CNNM2: variants seen among roughly 807,000 people sequenced by gnomAD.
The protein encoded by CNNM2 is cyclin and CBS domain divalent metal cation transport mediator 2.
CNNM2 carries 12 observed loss-of-function variants against 66.9 expected under a neutral mutation model. The observed-to-expected ratio is 0.18, with a 90% CI of 0.11 to 0.29. The LOEUF (loss-of-function observed/expected upper bound fraction) is 0.29. CNNM2 is among the 10% of genes least tolerant of loss of function. CNNM2 has a pLI of 1.00. For missense variants in CNNM2, 705 were observed against 1,167.7 expected, an observed-to-expected ratio of 0.60 and a Z score of 5.77; for synonymous variants, 557 against 501.8, an observed-to-expected ratio of 1.11 and a Z score of -1.47.
intron 6 of CNNM2, among the ~76,000 whole-genome samples, chr10:103,072,331 A>G (rs1464036782): frequency 6.6e-6 from 1 of 152,200 alleles, no homozygotes; most frequent in African/African-American, 2.4e-5. Context: ...ACACAGGCGC[A>G]CGACATTCTT....
intron 1 of CNNM2, among the ~76,000 whole-genome samples, chr10:102,947,784 G>T (rs1429736933): frequency 1.3e-5 from 2 of 152,008 alleles, no homozygotes; most frequent in African/African-American, 2.4e-5. Flanking sequence ...AGGCGCGGTG[G>T]CTCATGCCTG....
intron 1 of CNNM2, among the ~76,000 whole-genome samples, chr10:102,987,364 A>G (rs2063815728): frequency 6.6e-6 from 1 of 152,136 alleles, no homozygotes; most frequent in Admixed American, 6.6e-5. Flanking sequence ...TCTGTCACCC[A>G]GACTGGAGTG....
rs915374062 is a variant in CNNM2 at position 103,031,840 on chromosome 10, G to C, written c.1622-17867G>C. Among the ~76,000 whole-genome samples, 7 of 17,050 alleles carry C rather than the reference G, an allele frequency of 4.1e-4. No homozygotes were observed. The East Asian group carries it at 0.012, about 30-fold the overall frequency. The allele number at this position is 17,050 out of a possible 152,430, so 11.2% of individuals were successfully genotyped here. ...ACTGTCTGCTTAAGTACAAAATGCG[G>C]GGGGGGCGTGAGGGGATTTATCCCG... On this transcript the variant is annotated intron_variant, in intron 1 of 7. Coordinates refer to ENST00000369878, the MANE Select transcript of CNNM2 (RefSeq NM_017649.5).
chr10:103,025,067 A>T (rs2064673252), intron 1 of CNNM2, among the ~76,000 whole-genome samples: 1 of 152,098 alleles, frequency 6.6e-6, no homozygotes, highest in Admixed American at 6.5e-5. Context: ...TAGTGACTGC[A>T]GTTGGCTCCG....
In CNNM2 at chr10:103,015,478, C is replaced by T. The variant is rs149565019; in HGVS notation, c.1622-34229C>T. 5.0e-5 allele frequency among the ~76,000 whole-genome samples: 7 copies of T among 141,014 alleles called. No homozygotes were observed. The East Asian group carries it at 1.1e-3, about 22-fold the overall frequency. The allele number at this position is 141,014 out of a possible 152,430, so 92.5% of individuals were successfully genotyped here. A position where few individuals can be genotyped will look rare whatever the true frequency, so the allele number is the denominator to read the frequency against. On this transcript the variant is annotated intron_variant, in intron 1 of 7. Coordinates refer to ENST00000369878, the MANE Select transcript of CNNM2 (RefSeq NM_017649.5). ...AATTTGGATTGATTTATAACACTTACAAATTATTGGAAACTCATGTATGTC... is the reference window on the plus strand; with the variant it reads ...AATTTGGATTGATTTATAACACTTATAAATTATTGGAAACTCATGTATGTC...
rs553353645 is a variant in CNNM2, at chr10:102,981,002, C to T, written c.1621+60901C>T. Among the ~76,000 whole-genome samples, 16 of 152,260 alleles carry T rather than the reference C, an allele frequency of 1.1e-4. No individual in the cohort carries two copies. In the South Asian group the frequency reaches 3.3e-3, roughly 32 times the overall value. On this transcript the variant is annotated intron_variant, in intron 1 of 7. Transcript: ENST00000369878. The stretch of plus-strand genomic sequence containing the variant: ...GAAGCACATCTCCTAGAACTGCCAA[C>T]CTGTGCTGGCTCTGTACTGCTGTTG...
chr10:103,071,644 G>A (rs1457607397), intron 5 of CNNM2, 130 bp from the exon 6 acceptor site: 6 of 796,902 alleles, frequency 7.5e-6, no homozygotes, highest in Non-Finnish European at 1.4e-5. Context: ...ATACCATACC[G>A]ACTTGCATTT....
intron 1 of CNNM2, among the ~76,000 whole-genome samples, chr10:103,018,727 G>C (rs2064506046): frequency 1.7e-5 from 2 of 116,686 alleles, no homozygotes; most frequent in African/African-American, 6.9e-5. Flanking sequence ...TCTCCCTCTT[G>C]CACTCACTGC....
intron 1 of CNNM2, among the ~76,000 whole-genome samples, chr10:103,036,985 G>A (rs1239325190): frequency 6.6e-6 from 1 of 152,110 alleles, no homozygotes; most frequent in Non-Finnish European, 1.5e-5. Flanking sequence ...ACTCTGTGCT[G>A]TAGTTTTGCA....
At chr10:102,952,846 C>T (rs1412648288) in intron 1 of CNNM2, among the ~76,000 whole-genome samples, 1 of 152,082 alleles carries the variant, frequency 6.6e-6, no homozygotes, top group Non-Finnish European at 1.5e-5. Context: ...TGCTTCAGTA[C>T]TTGAATAGAA....
Position 103,064,322 on chromosome 10 carries a change from A to T in CNNM2, c.2074-4307A>T, listed in dbSNP as rs182652024. Among the ~76,000 whole-genome samples, 18 of 152,352 alleles carry T rather than the reference A, an allele frequency of 1.2e-4. No homozygotes were observed. In the East Asian group the frequency reaches 3.5e-3, roughly 29 times the overall value. On this transcript the variant is annotated intron_variant, in intron 4 of 7. Coordinates refer to ENST00000369878, the MANE Select transcript of CNNM2 (RefSeq NM_017649.5). ...TGAAGACCTATTACTCTGAAATGAC[A>T]TATTTTCTAAATTTGAGGGGTTAAA...
At chr10:102,996,010 G>T (rs1012005138) in intron 1 of CNNM2, among the ~76,000 whole-genome samples, 1 of 152,124 alleles carries the variant, frequency 6.6e-6, no homozygotes, top group African/African-American at 2.4e-5. Context: ...TCATAGTTTG[G>T]AGTTTTTAAG....
chr10:102,932,310 A>G (rs930928220), intron 1 of CNNM2, among the ~76,000 whole-genome samples: 1 of 152,034 alleles, frequency 6.6e-6, no homozygotes, highest in African/African-American at 2.4e-5. Flanking sequence ...TTGGCCTCCC[A>G]AAGTGCTGGG....
rs893281277 is a variant in CNNM2 at position 102,969,163 on chromosome 10, C to T, written c.1621+49062C>T. Among the ~76,000 whole-genome samples the T allele has an allele frequency of 2.0e-5, 3 of 152,082 alleles. No homozygotes were observed. In the South Asian group the frequency reaches 6.2e-4, roughly 31 times the overall value. ...CTCCTGGGCTCAAGTGATATGCCCA[C>T]CTCAGCCTCCCAAAGTGCTGGGACT... On this transcript the variant is annotated intron_variant, in intron 1 of 7. Transcript: ENST00000369878.
intron 1 of CNNM2, among the ~76,000 whole-genome samples, chr10:102,923,117 T>C (rs1480435354): frequency 6.6e-6 from 1 of 152,114 alleles, no homozygotes. Flanking sequence ...TGTGAATGTC[T>C]TCTTTCTTCT....
intron 1 of CNNM2, among the ~76,000 whole-genome samples, chr10:103,001,654 A>G (rs990424302): frequency 6.6e-6 from 1 of 152,152 alleles, no homozygotes; most frequent in Non-Finnish European, 1.5e-5. Flanking sequence ...CCCCTTCCTT[A>G]TATCCTACAC....
At position 103,054,558 on chromosome 10, in the gene CNNM2, T is replaced by A; in HGVS notation, c.1903+92T>A. 7.5e-7 allele frequency: 1 copy of A among 1,339,356 alleles called. No homozygotes were observed. Among genetic ancestry groups the A allele is most frequent in the Non-Finnish European group, 1.0e-6 (1 of 964,232 alleles). The allele number at this position is 1,339,356 out of a possible 1,614,324, so 83.0% of individuals were successfully genotyped here. On this transcript the variant is annotated intron_variant, in intron 3 of 7. Coordinates refer to ENST00000369878, the MANE Select transcript of CNNM2 (RefSeq NM_017649.5). The surrounding 1 kb of genome is among the most constrained non-coding windows in gnomAD (Gnocchi z 5.2). ...ACTGGGGTGGGTTGGGGGTGGACAC[T>A]GGGAAATGGGGTGATAAGTAATGCC...
At chr10:102,942,265 A>G (rs1477098785) in intron 1 of CNNM2, among the ~76,000 whole-genome samples, 1 of 152,232 alleles carries the variant, frequency 6.6e-6, no homozygotes, top group African/African-American at 2.4e-5. Context: ...CCACCATTCC[A>G]GAACGCTTTT....
rs2066030248 is a variant in CNNM2 at position 103,088,845 on chromosome 10, G to A, written c.*11665G>A. 1 of 198,308 alleles carries A rather than the reference G, an allele frequency of 5.0e-6. No homozygotes were observed. The highest frequency in any genetic ancestry group is 1.0e-5 in the Non-Finnish European group (1 of 95,870). The allele number at this position is 198,308 out of a possible 1,614,324, so 12.3% of individuals were successfully genotyped here. On this transcript the variant is annotated 3_prime_UTR_variant, in exon 8 of 8. Coordinates refer to ENST00000369878, the MANE Select transcript of CNNM2 (RefSeq NM_017649.5). ...AAAGAAATCTGGAATTGGGTAGCAT[G>A]AGCCACAGCTATATAGCCCACACTA...
Sources: gnomAD v4.1 joint callset for allele counts (sites outside exome capture counted in the v4.1 genomes callset) on GRCh38, gnomAD v4.1.1 for gene constraint, Gnocchi (gnomAD v3.1) non-coding constraint, MANE v1.5 for transcripts, NCBI Gene and HGNC (gene_info 2026-07-23, HGNC 2026-07-21) for gene names.